Variants in GRIK1 observed in about 807,000 individuals in gnomAD.
GRIK1 encodes the protein glutamate ionotropic receptor kainate type subunit 1, also known as glutamate receptor ionotropic, kainate 1.
GRIK1 carries 69 observed loss-of-function variants against 105.7 expected under a neutral mutation model. That is an observed-to-expected ratio of 0.65 (90% confidence interval 0.54 to 0.80). The LOEUF is 0.80. Among genes scored for constraint, GRIK1 ranks in the 30% least tolerant of loss-of-function variants. The pLI is 0.00. For missense variants in GRIK1, 1,109 were observed against 1,167.3 expected (o/e 0.95, Z 0.73); for synonymous variants, 438 against 431.3 (o/e 1.02, Z -0.19).
At chr21:29,863,096 C>T (rs376115596) in intron 1 of GRIK1, among the ~76,000 whole-genome samples, 1 of 152,194 alleles carries the variant, frequency 6.6e-6, no homozygotes, top group East Asian at 1.9e-4. Flanking sequence ...AAATATTCTA[C>T]AAATACTGGA....
At chr21:29,897,822 AC>A (rs2146247586) in intron 1 of GRIK1, among the ~76,000 whole-genome samples, 1 of 152,378 alleles carries the variant, frequency 6.6e-6, no homozygotes, top group Non-Finnish European at 1.5e-5. Context: ...GTTCTGAAGC[AC>A]AAATGATATA....
At chr21:29,910,483 A>G (rs1458601467) in intron 1 of GRIK1, among the ~76,000 whole-genome samples, 1 of 152,142 alleles carries the variant, frequency 6.6e-6, no homozygotes, top group Non-Finnish European at 1.5e-5. Flanking sequence ...GAGAGAAAGT[A>G]ATGACTGATA....
Position 29,939,655 on chromosome 21 carries a change from G to C in GRIK1, c.-155C>G, listed in dbSNP as rs1026990182. On this transcript the variant is annotated 5_prime_UTR_variant, in exon 1 of 18. Transcript: ENST00000327783. ...ACGGAGCGAGCTCGAGGGAACCCGC[G>C]TGGGACCGCGGAGCTGGCTGGCAAG... 1.9e-5 allele frequency: 10 copies of C among 536,312 alleles called. No homozygotes were observed. The African/African-American group carries it at 2.0e-4, about 11-fold the overall frequency. 33.2% of individuals were successfully genotyped at this position (536,312 alleles called of 1,614,324 possible). A position where few individuals can be genotyped will look rare whatever the true frequency, so the allele number is the denominator to read the frequency against.
chr21:29,592,017 C>A (rs1568859235), intron 9 of GRIK1, among the ~76,000 whole-genome samples: 1 of 152,170 alleles, frequency 6.6e-6, no homozygotes, highest in East Asian at 1.9e-4. Context: ...CACCACTGCA[C>A]TTCAGCCTGG....
intron 1 of GRIK1, among the ~76,000 whole-genome samples, chr21:29,805,504 C>T (rs891758509): frequency 1.3e-5 from 2 of 152,070 alleles, no homozygotes; most frequent in African/African-American, 4.8e-5. Flanking sequence ...AATTTACCTG[C>T]CTTTTAAATT....
Position 29,743,041 on chromosome 21 carries a change from C to CT in GRIK1, c.119-48979dup, listed in dbSNP as rs373664106. On this transcript the variant is annotated intron_variant, in intron 1 of 17. Transcript: ENST00000327783. ...GATGGGGCTAGTCCCTTCCTCACTTCTTTTTTTTTTTCAAGGTGTTCTTAG... is the reference window on the plus strand; with the variant it reads ...GATGGGGCTAGTCCCTTCCTCACTTCTTTTTTTTTTTTCAAGGTGTTCTTAG... Among the ~76,000 whole-genome samples, 352 of 142,414 alleles carry CT rather than the reference C, an allele frequency of 2.5e-3. 2 individuals are homozygous for CT. The highest frequency in any genetic ancestry group is 7.8e-3 in the African/African-American group (302 of 38,788). The allele number at this position is 142,414 out of a possible 152,430, so 93.4% of individuals were successfully genotyped here.
intron 1 of GRIK1, among the ~76,000 whole-genome samples, chr21:29,918,915 G>C (rs1443942784): frequency 6.6e-6 from 1 of 152,008 alleles, no homozygotes; most frequent in East Asian, 1.9e-4. Flanking sequence ...TTCATAGAAG[G>C]TGACTGTAAG....
At chr21:29,560,786 GA>G (rs2090461112) in intron 15 of GRIK1, among the ~76,000 whole-genome samples, 1 of 151,582 alleles carries the variant, frequency 6.6e-6, no homozygotes, top group South Asian at 2.1e-4. Flanking sequence ...ATTTTTAGTA[GA>G]GACGGGGTTT....
intron 1 of GRIK1, among the ~76,000 whole-genome samples, chr21:29,780,184 T>C (rs972227362): frequency 6.6e-6 from 1 of 152,232 alleles, no homozygotes; most frequent in African/African-American, 2.4e-5. Flanking sequence ...CTACTTACTC[T>C]GAAATTAGTA....
At chr21:29,815,241 T>C (rs2067124974) in intron 1 of GRIK1, among the ~76,000 whole-genome samples, 1 of 152,192 alleles carries the variant, frequency 6.6e-6, no homozygotes, top group Non-Finnish European at 1.5e-5. Context: ...TCATGGAAGC[T>C]CTGGAGTCTT....
chr21:29,765,514 A>G (rs1380732336), intron 1 of GRIK1, among the ~76,000 whole-genome samples: 2 of 152,072 alleles, frequency 1.3e-5, no homozygotes, highest in African/African-American at 4.8e-5. Context: ...CTGTCATTCA[A>G]CTGCAAACTC....
chr21:29,589,942 T>C (rs1433857760), intron 10 of GRIK1, among the ~76,000 whole-genome samples: 1 of 152,208 alleles, frequency 6.6e-6, no homozygotes, highest in Non-Finnish European at 1.5e-5. Flanking sequence ...TTTCCCATTT[T>C]CTTTTTTGAA....
intron 1 of GRIK1, among the ~76,000 whole-genome samples, chr21:29,831,951 A>G (rs460050): frequency 0.61 from 92,539 of 152,044 alleles, 28,365 homozygotes; most frequent in East Asian, 0.77. Flanking sequence ...AAAGTGAAAA[A>G]CAAGTTAGTT....
At chr21:29,605,724 A>T (rs192401908) in intron 7 of GRIK1, among the ~76,000 whole-genome samples, 1 of 152,174 alleles carries the variant, frequency 6.6e-6, no homozygotes, top group Admixed American at 6.5e-5. Flanking sequence ...CCTCGCCAGC[A>T]TCTGTTGAAA....
At chr21:29,603,083 C>T (rs1252006909) in intron 7 of GRIK1, among the ~76,000 whole-genome samples, 2 of 152,250 alleles carry the variant, frequency 1.3e-5, no homozygotes, top group Admixed American at 6.5e-5. Flanking sequence ...AATAGTTCCA[C>T]AGCAGGATAG....
At chr21:29,917,101 T>C (rs1265610248) in intron 1 of GRIK1, among the ~76,000 whole-genome samples, 1 of 152,014 alleles carries the variant, frequency 6.6e-6, no homozygotes, top group Non-Finnish European at 1.5e-5. Context: ...TCGTTTTCAG[T>C]ATATCACTTG....
intron 1 of GRIK1, among the ~76,000 whole-genome samples, chr21:29,865,283 T>A (rs2068766254): frequency 7.8e-6 from 1 of 128,002 alleles, no homozygotes; most frequent in Admixed American, 8.6e-5. Context: ...TAACTGTGAT[T>A]ATTTACGGTA....
At chr21:29,682,212 C>T (rs956241681) in intron 3 of GRIK1, among the ~76,000 whole-genome samples, 1 of 152,222 alleles carries the variant, frequency 6.6e-6, no homozygotes, top group Admixed American at 6.5e-5. Flanking sequence ...CTAGCTAAAG[C>T]TTCTTCTATT....
chr21:29,754,654 T>C (rs370217060), intron 1 of GRIK1, among the ~76,000 whole-genome samples: 2 of 152,212 alleles, frequency 1.3e-5, no homozygotes, highest in African/African-American at 4.8e-5. Flanking sequence ...AATTAAGCAC[T>C]AACCTGGGTG....
Sources: allele counts gnomAD v4.1 joint callset (sites outside exome capture counted in the v4.1 genomes callset), GRCh38; gene constraint gnomAD v4.1.1; transcripts MANE v1.5; gene names NCBI Gene and HGNC (gene_info 2026-07-23, HGNC 2026-07-21).